NRCAM: variants seen among roughly 807,000 people sequenced by gnomAD.
The protein encoded by NRCAM is neuronal cell adhesion molecule, also known as NgCAM-related cell adhesion molecule.
NRCAM carries 83 observed loss-of-function variants against 156.5 expected under a neutral mutation model. That is an observed-to-expected ratio of 0.53 (90% CI 0.44 to 0.64). The LOEUF (loss-of-function observed/expected upper bound fraction) is 0.64, where lower values mean the gene tolerates loss of function less well. Among genes scored for constraint, NRCAM ranks in the 30% least tolerant of loss-of-function variants. The pLI is 0.00. For synonymous variants in NRCAM, 538 were observed against 563.9 expected, an observed-to-expected ratio of 0.95 and a Z score of 0.65; for missense variants, 1,417 against 1,597.3, an observed-to-expected ratio of 0.89 and a Z score of 1.92.
chr7:108,180,157 G>T, intron 25 of NRCAM, 66 bp downstream of exon 25: 1 of 1,431,904 alleles, frequency 7.0e-7, no homozygotes, highest in Non-Finnish European at 9.7e-7. Flanking sequence ...TAGCCCTTCT[G>T]TCAGGCAAAA....
intron 1 of NRCAM, among the ~76,000 whole-genome samples, chr7:108,446,227 T>C (rs546528134): frequency 1.4e-4 from 22 of 152,352 alleles, no homozygotes; most frequent in Middle Eastern, 3.4e-3. Flanking sequence ...AGTACCCTTC[T>C]GGATTCAATG....
chr7:108,317,838 G>A lies in NRCAM; in HGVS notation c.-173-5107C>T, dbSNP rs565943368. Among the ~76,000 whole-genome samples the A allele has an allele frequency of 6.0e-5, 9 of 151,190 alleles. No individual in the cohort carries two copies. In the South Asian group the frequency reaches 1.9e-3, roughly 32 times the overall value. ...GCAGGAGAATCACTTGAACCCAGGA[G>A]GCAGAGGTTGCAGTGAGTTGAGATG... is the stretch of plus-strand genomic sequence containing the variant. On this transcript the variant is annotated intron_variant, in intron 2 of 32. Transcript: ENST00000379028.
intron 3 of NRCAM, among the ~76,000 whole-genome samples, chr7:108,306,770 G>A (rs2098720391): frequency 6.6e-6 from 1 of 152,292 alleles, no homozygotes; most frequent in East Asian, 1.9e-4. Context: ...AGTGGAAACA[G>A]AATTACCCTG....
chr7:108,404,192 G>A (rs1283453191), intron 1 of NRCAM, among the ~76,000 whole-genome samples: 1 of 152,164 alleles, frequency 6.6e-6, no homozygotes, highest in Non-Finnish European at 1.5e-5. Flanking sequence ...AAAAAAGCAC[G>A]AGTGAATGTG....
intron 3 of NRCAM, among the ~76,000 whole-genome samples, chr7:108,247,549 C>T (rs2096029169): frequency 7.1e-6 from 1 of 141,108 alleles, no homozygotes; most frequent in Non-Finnish European, 1.5e-5. Flanking sequence ...TTAACACTGA[C>T]CATTATTTTA....
intron 2 of NRCAM, among the ~76,000 whole-genome samples, chr7:108,391,210 G>C (rs1028015716): frequency 6.6e-6 from 1 of 152,076 alleles, no homozygotes; most frequent in African/African-American, 2.4e-5. Context: ...GGGAGTCTAA[G>C]TCTCTTTGTA....
intron 30 of NRCAM, 129 bp from the exon 31 acceptor site, chr7:108,160,621 G>A (rs2048339311): frequency 1.6e-6 from 1 of 628,308 alleles, no homozygotes; most frequent in African/African-American, 1.9e-5. Flanking sequence ...CCCAAATTAG[G>A]ATCTGTCAAT....
chr7:108,365,660 C>G (rs1415121835), intron 2 of NRCAM, among the ~76,000 whole-genome samples: 1 of 152,182 alleles, frequency 6.6e-6, no homozygotes, highest in East Asian at 1.9e-4. Context: ...AACATACAAA[C>G]AGCATGCCCT....
rs560324548 is a variant in NRCAM at position 108,315,347 on chromosome 7, T to C, written c.-173-2616A>G. On this transcript the variant is annotated intron_variant, in intron 2 of 32. Transcript: ENST00000379028. ...TCATACTTAACTGGAGAAAAAAGGA[T>C]AAAAAAACCACCTTGTTAAAACTGG... Among the ~76,000 whole-genome samples, 22 of 152,132 alleles carry C rather than the reference T, an allele frequency of 1.4e-4. No individual in the cohort carries two copies. The East Asian group carries it at 4.1e-3, about 28-fold the overall frequency.
chr7:108,342,456 C>A (rs528705574), intron 2 of NRCAM, among the ~76,000 whole-genome samples: 1 of 152,278 alleles, frequency 6.6e-6, no homozygotes, highest in South Asian at 2.1e-4. Flanking sequence ...CCAGGTACGG[C>A]GAAATAGCTA....
chr7:108,399,741 A>C (rs1407101695), intron 1 of NRCAM, 148 bp from the exon 2 acceptor site: 1 of 152,230 alleles, frequency 6.6e-6, no homozygotes, highest in Non-Finnish European at 1.5e-5. Context: ...ACCAAGCATT[A>C]TTGTACTTAA....
intron 1 of NRCAM, among the ~76,000 whole-genome samples, chr7:108,402,494 A>T (rs1434370898): frequency 5.3e-5 from 8 of 152,344 alleles, no homozygotes. Flanking sequence ...ATCTGGGAAG[A>T]AACAGAAGAG....
chr7:108,320,448 C>G (rs960147290), intron 2 of NRCAM, among the ~76,000 whole-genome samples: 18 of 151,328 alleles, frequency 1.2e-4, no homozygotes, highest in Non-Finnish European at 1.9e-4. Context: ...CAAAACAAAA[C>G]AAAACAAAAC....
intron 2 of NRCAM, among the ~76,000 whole-genome samples, chr7:108,396,145 G>A (rs995131801): frequency 5.3e-5 from 8 of 152,126 alleles, no homozygotes; most frequent in African/African-American, 1.9e-4. Flanking sequence ...ATCATGCAGC[G>A]AATATGAGTG....
At chr7:108,390,134 G>T (rs1452308575) in intron 2 of NRCAM, among the ~76,000 whole-genome samples, 4 of 152,160 alleles carry the variant, frequency 2.6e-5, no homozygotes, top group Non-Finnish European at 5.9e-5. Context: ...AATGGTACCA[G>T]CTCCTCCTTG....
intron 2 of NRCAM, among the ~76,000 whole-genome samples, chr7:108,331,681 C>G (rs1303318831): frequency 6.6e-6 from 1 of 152,172 alleles, no homozygotes; most frequent in Non-Finnish European, 1.5e-5. Flanking sequence ...ATAAAACAGA[C>G]ACCATCTATG....
chr7:108,192,670 G>C (rs993608136), intron 17 of NRCAM, among the ~76,000 whole-genome samples: 14 of 151,994 alleles, frequency 9.2e-5, no homozygotes, highest in Non-Finnish European at 1.5e-4. Context: ...AAGAAACATT[G>C]GAAAACCACT....
At chr7:108,264,984 C>T (rs1044706345) in intron 3 of NRCAM, among the ~76,000 whole-genome samples, 5 of 152,106 alleles carry the variant, frequency 3.3e-5, no homozygotes, top group Admixed American at 6.5e-5. Context: ...TAAGAGGAGC[C>T]GAGACATCTG....
At chr7:108,333,598 A>G (rs183121332) in intron 2 of NRCAM, among the ~76,000 whole-genome samples, 2 of 152,324 alleles carry the variant, frequency 1.3e-5, no homozygotes, top group African/African-American at 4.8e-5. Flanking sequence ...AGTTGTTACA[A>G]TGATGTTTTG....
Sources: allele counts gnomAD v4.1 joint callset (sites outside exome capture counted in the v4.1 genomes callset), GRCh38; gene constraint gnomAD v4.1.1; transcripts MANE v1.5; gene names NCBI Gene and HGNC (gene_info 2026-07-23, HGNC 2026-07-21).